Variants in ACSBG1 observed in about 807,000 individuals in gnomAD.
ACSBG1 encodes the protein long-chain-fatty-acid--CoA ligase ACSBG1.
ACSBG1 carries 39 observed loss-of-function variants against 80.2 expected under a neutral mutation model. The ratio of observed to expected loss-of-function variants is 0.49; its 90% CI spans 0.38 to 0.64. The LOEUF is 0.64. Ranked by LOEUF, ACSBG1 falls within the 30% of genes least tolerant of loss-of-function variation. ACSBG1 has a pLI of 0.00. For synonymous variants in ACSBG1, 392 were observed against 379.5 expected, an observed-to-expected ratio of 1.03 and a Z score of -0.38; for missense variants, 828 against 966.4, an observed-to-expected ratio of 0.86 and a Z score of 1.90.
rs2075091402 is a variant in ACSBG1, at chr15:78,194,424, G to A, written c.453+82C>T. The A allele has an allele frequency of 2.2e-6, 3 of 1,347,244 alleles. No individual in the cohort carries two copies. The South Asian group carries it at 3.8e-5, about 17-fold the overall frequency. 83.5% of individuals were successfully genotyped at this position (1,347,244 alleles called of 1,614,324 possible). A position where few individuals can be genotyped will look rare whatever the true frequency, so the allele number is the denominator to read the frequency against. On this transcript the variant is annotated intron_variant, in intron 3 of 13. Coordinates refer to ENST00000258873, the MANE Select transcript of ACSBG1 (RefSeq NM_015162.5). ...TCCTAAGAGCCTTGCCCAGTGGGCAGTTGGAGAGGAGGCCTGTGAGGCCCA... is the reference window on the plus strand; with the variant it reads ...TCCTAAGAGCCTTGCCCAGTGGGCAATTGGAGAGGAGGCCTGTGAGGCCCA...
At chr15:78,190,668 G>A in intron 5 of ACSBG1, among the ~76,000 whole-genome samples, 1 of 152,030 alleles carries the variant, frequency 6.6e-6, no homozygotes, top group East Asian at 1.9e-4. Flanking sequence ...GAAGTAAAAT[G>A]GATGACGACA....
intron 4 of ACSBG1, 148 bp downstream of exon 4, chr15:78,193,784 C>A (rs567302588): frequency 2.1e-6 from 3 of 1,412,636 alleles, no homozygotes; most frequent in Non-Finnish European, 2.9e-6. Context: ...GCAGAGAGGG[C>A]GCCAGATGCA....
intron 3 of ACSBG1, among the ~76,000 whole-genome samples, 197 bp from the exon 4 acceptor site, chr15:78,194,217 C>T (rs28706083): frequency 6.6e-6 from 1 of 152,212 alleles, no homozygotes. Context: ...GCCTTCCCAG[C>T]GAGTCTGTCC....
At chr15:78,199,720 C>G (rs2075149424) in intron 2 of ACSBG1, among the ~76,000 whole-genome samples, 1 of 149,530 alleles carries the variant, frequency 6.7e-6, no homozygotes, top group Non-Finnish European at 1.5e-5. Flanking sequence ...TGGTCTTGAA[C>G]TCCTGGTCTC....
At chr15:78,181,465 A>C (rs1595882398) in intron 8 of ACSBG1, among the ~76,000 whole-genome samples, 1 of 143,614 alleles carries the variant, frequency 7.0e-6, no homozygotes. Flanking sequence ...CTCTGACTCG[A>C]CCTTATGTAA....
rs758814656 is a variant in ACSBG1, at chr15:78,194,710, C to T, written c.249G>A (p.Thr83=). The change falls in exon 3 of 14, where the codon ACG becomes ACA. Residue 83 remains threonine (T), a synonymous_variant. Coordinates refer to ENST00000258873, the MANE Select transcript of ACSBG1 (RefSeq NM_015162.5). ...QWDAPEEALW[T]TRADGRVRLR... is the part of the protein sequence containing the mutation. ...GGCGCACCCGCCCATCGGCCCGAGT[C>T]GTCCACAGCGCCTCCTCTGTGGGGT... is the stretch of plus-strand genomic sequence containing the variant. 6.2e-6 allele frequency: 10 copies of T among 1,612,736 alleles called. No homozygotes were observed. The highest frequency in any genetic ancestry group is 4.5e-5 in the East Asian group (2 of 44,880).
intron 2 of ACSBG1, among the ~76,000 whole-genome samples, chr15:78,201,293 C>G (rs527360914): frequency 6.6e-6 from 1 of 152,342 alleles, no homozygotes; most frequent in African/African-American, 2.4e-5. Context: ...CCCAGGAGGG[C>G]TGGAGACCCA....
chr15:78,182,627 T>C lies in ACSBG1; in HGVS notation c.745-12A>G, dbSNP rs1567081807. The stretch of plus-strand genomic sequence containing the variant: ...ATGAATTCCTCCATCTGTAGCCAGA[T>C]GCAGGGAGCAGGCAGGCTAGGTCAG... On this transcript the variant is annotated splice_polypyrimidine_tract_variant and intron_variant, in intron 6 of 13. Coordinates refer to ENST00000258873, the MANE Select transcript of ACSBG1 (RefSeq NM_015162.5). 6.2e-7 allele frequency: 1 copy of C among 1,613,846 alleles called. No individual in the cohort carries two copies. The highest frequency in any genetic ancestry group is 8.5e-7 in the Non-Finnish European group (1 of 1,179,866).
At chr15:78,232,850 T>C (rs2075458747) in intron 1 of ACSBG1, among the ~76,000 whole-genome samples, 1 of 152,024 alleles carries the variant, frequency 6.6e-6, no homozygotes, top group African/African-American at 2.4e-5. Context: ...ACCTGGCTGT[T>C]TGTATTTTTA....
chr15:78,227,218 CAAAAAAAAAAAAAA>C (rs56011241), intron 1 of ACSBG1, among the ~76,000 whole-genome samples: 3 of 53,746 alleles, frequency 5.6e-5, no homozygotes, highest in African/African-American at 2.1e-4. Flanking sequence ...GACCCTGTCT[CAAAAAAAAAAAAAA>C]AAAAAAAAAA....
Position 78,186,921 on chromosome 15 carries a change from C to T in ACSBG1, c.664-4136G>A, listed in dbSNP as rs555952176. Among the ~76,000 whole-genome samples, 261 of 151,746 alleles carry T rather than the reference C, an allele frequency of 1.7e-3. 1 individual carries two copies. Among genetic ancestry groups the T allele is most frequent in the East Asian group, 4.8e-3 (25 of 5,182 alleles). ...GAAAGGATCAACAAAATTGATAGAC[C>T]GCTAGCAAGACTAATAAAGAAGAAA... is the stretch of plus-strand genomic sequence containing the variant. On this transcript the variant is annotated intron_variant, in intron 5 of 13. Transcript: ENST00000258873.
At chr15:78,191,720 G>C (rs1362885804) in intron 5 of ACSBG1, among the ~76,000 whole-genome samples, 4 of 152,232 alleles carry the variant, frequency 2.6e-5, no homozygotes, top group Non-Finnish European at 5.9e-5. Flanking sequence ...TGGAAGAAGA[G>C]AAGGTGGTCA....
intron 1 of ACSBG1, among the ~76,000 whole-genome samples, chr15:78,221,031 G>A (rs1286252832): frequency 6.6e-6 from 1 of 152,186 alleles, no homozygotes; most frequent in African/African-American, 2.4e-5. Context: ...TTTCATAATA[G>A]CCTAAATATT....
chr15:78,233,174 C>T (rs2075462698), intron 1 of ACSBG1, among the ~76,000 whole-genome samples: 1 of 152,194 alleles, frequency 6.6e-6, no homozygotes, highest in Non-Finnish European at 1.5e-5. Flanking sequence ...TGACCTATGC[C>T]CAGGGAGGGG....
At chr15:78,211,961 T>C (rs1024583112) in intron 1 of ACSBG1, among the ~76,000 whole-genome samples, 1 of 152,204 alleles carries the variant, frequency 6.6e-6, no homozygotes, top group Admixed American at 6.5e-5. Flanking sequence ...TACTTACTGT[T>C]GGAGCTCAGT....
At chr15:78,228,139 C>T (rs374311999) in intron 1 of ACSBG1, among the ~76,000 whole-genome samples, 15 of 152,188 alleles carry the variant, frequency 9.9e-5, no homozygotes, top group African/African-American at 3.1e-4. Flanking sequence ...TGGTCACAAC[C>T]TTTACAGTTT....
In ACSBG1 at chr15:78,208,779, G is replaced by A. The variant is rs111952641; in HGVS notation, c.132-677C>T. Among the ~76,000 whole-genome samples, 14 of 152,304 alleles carry A rather than the reference G, an allele frequency of 9.2e-5. 1 individual carries two copies. The highest frequency in any genetic ancestry group is 3.4e-4 in the African/African-American group (14 of 41,562). On this transcript the variant is annotated intron_variant, in intron 1 of 13. Transcript: ENST00000258873. Reference sequence around the variant, plus strand: ...CCCAGGCTCGGTGACCCTGGCTAAAGGGTCTCCCCTTCTGGCCAACCCAAG... The same window carrying A: ...CCCAGGCTCGGTGACCCTGGCTAAAAGGTCTCCCCTTCTGGCCAACCCAAG...
At chr15:78,173,454 G>A in intron 13 of ACSBG1, 139 bp downstream of exon 13, 1 of 1,164,804 alleles carries the variant, frequency 8.6e-7, no homozygotes, top group African/African-American at 1.5e-5. Flanking sequence ...TCCTCTAACA[G>A]GAAGTAGATG....
Position 78,194,855 on chromosome 15 carries a change from A to G in ACSBG1, c.233-129T>C. ...TCCTCGGCCTTGAGGCTGGCAGGCC[A>G]GGGTAGACTGGGGTAGACTGGGGTA... On this transcript the variant is annotated intron_variant, in intron 2 of 13. Coordinates refer to ENST00000258873, the MANE Select transcript of ACSBG1 (RefSeq NM_015162.5). The G allele has an allele frequency of 2.2e-6, 2 of 910,338 alleles. 1 individual carries two copies. Among genetic ancestry groups the G allele is most frequent in the South Asian group, 3.3e-5 (2 of 60,380 alleles). 56.4% of individuals were successfully genotyped at this position (910,338 alleles called of 1,614,324 possible). A position where few individuals can be genotyped will look rare whatever the true frequency, so the allele number is the denominator to read the frequency against.
Sources: allele counts gnomAD v4.1 joint callset (sites outside exome capture counted in the v4.1 genomes callset), GRCh38; gene constraint gnomAD v4.1.1; transcripts MANE v1.5; gene names NCBI Gene and HGNC (gene_info 2026-07-23, HGNC 2026-07-21).